IGSF10: variants seen among roughly 807,000 people sequenced by gnomAD.
IGSF10 encodes the protein calvaria mechanical force protein 608.
A neutral mutation model predicts 128.2 loss-of-function variants in IGSF10; 126 were observed. That is an observed-to-expected ratio of 0.98 (90% CI 0.85 to 1.14). The LOEUF (loss-of-function observed/expected upper bound fraction) is 1.14. Among genes scored for constraint, IGSF10 ranks in the 50% most tolerant of loss-of-function variants. The pLI, the probability that IGSF10 is intolerant of heterozygous loss-of-function variation, is 0.00. For missense variants in IGSF10, 3,295 were observed against 3,149.8 expected, an observed-to-expected ratio of 1.05 and a Z score of -1.10; for synonymous variants, 1,185 against 1,146.2, an observed-to-expected ratio of 1.03 and a Z score of -0.68.
the IGSF10 span, among the ~76,000 whole-genome samples, chr3:151,514,670 G>A: frequency 6.6e-6 from 1 of 152,128 alleles, no homozygotes; most frequent in African/African-American, 2.4e-5. Flanking sequence ...CACCGTCAGA[G>A]TGAACAGGCA....
rs750603029 is a variant in IGSF10, at chr3:151,443,541, G to A, written c.5406C>T (p.Asp1802=). Residue 1802 remains aspartate (D), a synonymous_variant, in exon 7 of 8, where the codon GAC becomes GAT. Transcript: ENST00000282466. The stretch of plus-strand genomic sequence containing the variant: ...TGAGATTGTGGAGGACCAATGTTCC[G>A]TCAACCGTCACCACAGCCTGCCTAC... ...QGSRQAVVTV[D]GTLVLHNLSI... The A allele has an allele frequency of 2.2e-5, 36 of 1,614,214 alleles. 1 individual carries two copies. The highest frequency in any genetic ancestry group is 7.7e-5 in the South Asian group (7 of 91,084).
the IGSF10 span, among the ~76,000 whole-genome samples, chr3:151,609,940 C>T: frequency 6.6e-6 from 1 of 152,072 alleles, no homozygotes; most frequent in Non-Finnish European, 1.5e-5. Flanking sequence ...CAGCATCATG[C>T]AGTACACCCA....
At chr3:151,435,570 G>GAGAT (rs1400246107), downstream of IGSF10, 1 of 152,128 alleles carries the variant, frequency 6.6e-6, no homozygotes, top group Non-Finnish European at 1.5e-5. Flanking sequence ...TTTGTGCACT[G>GAGAT]AGATATCTAA....
the IGSF10 span, among the ~76,000 whole-genome samples, chr3:151,498,382 T>A: frequency 6.6e-6 from 1 of 151,638 alleles, no homozygotes; most frequent in Non-Finnish European, 1.5e-5. Context: ...TAGACCAATA[T>A]CCCTGATGAA....
At chr3:151,499,047 T>C in the IGSF10 span, among the ~76,000 whole-genome samples, 2 of 152,146 alleles carry the variant, frequency 1.3e-5, no homozygotes, top group Non-Finnish European at 2.9e-5. Context: ...TTTAAAGTGA[T>C]AGCAAGTGAG....
chr3:151,508,604 A>G, the IGSF10 span, among the ~76,000 whole-genome samples: 12 of 152,114 alleles, frequency 7.9e-5, no homozygotes, highest in Non-Finnish European at 1.8e-4. Flanking sequence ...TTTTACAGTG[A>G]TCTGTGATCC....
chr3:151,617,260 CTCT>C, the IGSF10 span, among the ~76,000 whole-genome samples: 2,255 of 55,684 alleles, frequency 0.04, 55 homozygotes, highest in Non-Finnish European at 0.046. Context: ...TCTTCTCCTT[CTCT>C]TCTTCTTCTT....
intron 4 of IGSF10, among the ~76,000 whole-genome samples, chr3:151,454,969 G>T (rs1284925349): frequency 6.6e-6 from 1 of 152,012 alleles, no homozygotes; most frequent in East Asian, 1.9e-4. Flanking sequence ...TTGCACCACC[G>T]CACTCCAGCC....
At chr3:151,554,132 TCACACACACACA>T in the IGSF10 span, among the ~76,000 whole-genome samples, 1 of 147,334 alleles carries the variant, frequency 6.8e-6, no homozygotes, top group African/African-American at 2.5e-5. Context: ...CAGAGTGAGA[TCACACACACACA>T]CACACACACA....
chr3:151,610,522 T>C, the IGSF10 span, among the ~76,000 whole-genome samples: 1 of 152,220 alleles, frequency 6.6e-6, no homozygotes, highest in Non-Finnish European at 1.5e-5. Context: ...TTAATGATCA[T>C]TTTTGTAATA....
chr3:151,519,878 T>C, the IGSF10 span, among the ~76,000 whole-genome samples: 1 of 151,940 alleles, frequency 6.6e-6, no homozygotes, highest in East Asian at 1.9e-4. Flanking sequence ...TATTGACTTT[T>C]CAAGCTGAAA....
the IGSF10 span, among the ~76,000 whole-genome samples, chr3:151,581,240 T>G: frequency 6.6e-6 from 1 of 152,160 alleles, no homozygotes; most frequent in African/African-American, 2.4e-5. Context: ...AATGTGGTAG[T>G]TCAGCAACCC....
chr3:151,562,361 C>T, the IGSF10 span, among the ~76,000 whole-genome samples: 1 of 152,100 alleles, frequency 6.6e-6, no homozygotes, highest in Non-Finnish European at 1.5e-5. Flanking sequence ...AATGGGAAAC[C>T]AGCAGCCCTC....
At chr3:151,520,552 C>G in the IGSF10 span, among the ~76,000 whole-genome samples, 1 of 151,768 alleles carries the variant, frequency 6.6e-6, no homozygotes, top group Non-Finnish European at 1.5e-5. Flanking sequence ...ACCCTACAAG[C>G]CAGAAGAGAG....
At chr3:151,510,834 C>A in the IGSF10 span, among the ~76,000 whole-genome samples, 1 of 152,018 alleles carries the variant, frequency 6.6e-6, no homozygotes, top group Non-Finnish European at 1.5e-5. Context: ...CCTCAGTAAC[C>A]GATGCGATCA....
chr3:151,574,630 C>T, the IGSF10 span, among the ~76,000 whole-genome samples: 8 of 152,078 alleles, frequency 5.3e-5, no homozygotes, highest in Non-Finnish European at 8.8e-5. Context: ...AATCTTTTTT[C>T]AAGGTTTTTA....
the IGSF10 span, among the ~76,000 whole-genome samples, chr3:151,528,618 C>T: frequency 1.6e-3 from 247 of 152,240 alleles, 1 homozygote; most frequent in Middle Eastern, 3.4e-3. Flanking sequence ...GATTTCCCTC[C>T]CCTAGCCAAG....
chr3:151,585,501 A>G, the IGSF10 span, among the ~76,000 whole-genome samples: 1 of 152,142 alleles, frequency 6.6e-6, no homozygotes, highest in African/African-American at 2.4e-5. Flanking sequence ...AACTATGTAC[A>G]TGTCACTGTG....
the IGSF10 span, among the ~76,000 whole-genome samples, chr3:151,509,689 C>G: frequency 6.6e-6 from 1 of 152,218 alleles, no homozygotes; most frequent in Non-Finnish European, 1.5e-5. Flanking sequence ...ATCGCCTCAC[C>G]CGGGAAGTGC....
Sources: allele counts gnomAD v4.1 joint callset (sites outside exome capture counted in the v4.1 genomes callset), GRCh38; gene constraint gnomAD v4.1.1; transcripts MANE v1.5; gene names NCBI Gene and HGNC (gene_info 2026-07-23, HGNC 2026-07-21).